BIRC6: variants seen among roughly 807,000 people sequenced by gnomAD.
BIRC6 encodes the protein dual E2 ubiquitin-conjugating enzyme/E3 ubiquitin-protein ligase BIRC6.
BIRC6 carries 98 observed loss-of-function variants against 503.3 expected under a neutral mutation model. The ratio of observed to expected loss-of-function variants is 0.19; its 90% CI spans 0.17 to 0.23. The LOEUF (loss-of-function observed/expected upper bound fraction) is 0.23. Among genes scored for constraint, BIRC6 ranks in the 10% least tolerant of loss-of-function variants. The probability of loss-of-function intolerance (pLI) is 1.00; values close to 1 mark genes in which losing one functional copy is unlikely to be tolerated. For synonymous variants in BIRC6, 2,240 were observed against 2,078.7 expected (o/e 1.08, Z -2.11); for missense variants, 5,360 against 5,806.0 (o/e 0.92, Z 2.50).
At chr2:32,599,382 G>A (rs1047710329) in intron 69 of BIRC6, among the ~76,000 whole-genome samples, 12 of 151,108 alleles carry the variant, frequency 7.9e-5, no homozygotes, top group East Asian at 1.9e-4. Context: ...GCTCAAGCCC[G>A]TAATCCCAGT....
At chr2:32,494,722 C>T (rs914781076) in intron 45 of BIRC6, among the ~76,000 whole-genome samples, 6 of 151,386 alleles carry the variant, frequency 4.0e-5, no homozygotes, top group Admixed American at 2.0e-4. Context: ...GGTCACATGG[C>T]GGGACCCCTT....
At chr2:32,374,622 G>A (rs891543193) in intron 1 of BIRC6, among the ~76,000 whole-genome samples, 3 of 151,748 alleles carry the variant, frequency 2.0e-5, no homozygotes, top group Admixed American at 6.6e-5. Flanking sequence ...ACAGGCGCCC[G>A]CCACCACGCC....
intron 24 of BIRC6, among the ~76,000 whole-genome samples, chr2:32,464,273 C>T (rs887328277): frequency 6.6e-6 from 1 of 152,160 alleles, no homozygotes; most frequent in African/African-American, 2.4e-5. Flanking sequence ...TCCTTTTCAC[C>T]ACTACCTTGA....
rs1161271098 is a variant in BIRC6 at position 32,602,157 on chromosome 2, A to G, written c.13993-849A>G. ...TTGCACTGCTGTTTATTGCAGCACC[A>G]TACAGAATAGCCAAGATACAGAATC... is the stretch of plus-strand genomic sequence containing the variant. On this transcript the variant is annotated intron_variant, in intron 70 of 73. Coordinates refer to ENST00000421745, the MANE Select transcript of BIRC6 (RefSeq NM_016252.4). 2.0e-5 allele frequency among the ~76,000 whole-genome samples: 3 copies of G among 152,220 alleles called. No individual in the cohort carries two copies. The East Asian group carries it at 5.8e-4, about 29-fold the overall frequency.
At chr2:32,589,070 T>C (rs2061242268) in intron 66 of BIRC6, among the ~76,000 whole-genome samples, 2 of 152,314 alleles carry the variant, frequency 1.3e-5, no homozygotes, top group South Asian at 4.1e-4. Context: ...TGCAGACTTT[T>C]TCTGCTGTAC....
At chr2:32,464,336 GT>G (rs2048304596) in intron 24 of BIRC6, among the ~76,000 whole-genome samples, 172 bp from the exon 25 acceptor site, 1 of 152,168 alleles carries the variant, frequency 6.6e-6, no homozygotes, top group Non-Finnish European at 1.5e-5. Context: ...CATTTAAAGT[GT>G]ATATAGCAAA....
At chr2:32,594,502 T>A (rs775405653) in intron 67 of BIRC6, among the ~76,000 whole-genome samples, 4 of 152,142 alleles carry the variant, frequency 2.6e-5, no homozygotes, top group African/African-American at 9.7e-5. Flanking sequence ...CAAGATCAGC[T>A]TGGGCAACAT....
At chr2:32,374,558 C>T (rs951476021) in intron 1 of BIRC6, among the ~76,000 whole-genome samples, 10 of 151,616 alleles carry the variant, frequency 6.6e-5, no homozygotes, top group Non-Finnish European at 7.4e-5. Context: ...CTGCAAGCTC[C>T]GCCTCCCAGG....
At chr2:32,562,951 T>C (rs1411611530) in intron 65 of BIRC6, among the ~76,000 whole-genome samples, 1 of 152,258 alleles carries the variant, frequency 6.6e-6, no homozygotes, top group African/African-American at 2.4e-5. Flanking sequence ...TATTTGTTTA[T>C]TCTTTCGTGA....
At position 32,543,511 on chromosome 2, in the gene BIRC6, G is replaced by A. The variant is rs1337640950; in HGVS notation, c.12562G>A (p.Val4188Ile). 1 of 1,613,880 alleles carries A rather than the reference G, an allele frequency of 6.2e-7. No homozygotes were observed. Among genetic ancestry groups the A allele is most frequent in the African/African-American group, 1.3e-5 (1 of 75,056 alleles). The part of the protein sequence containing the change: ...RKHAQCLLRL[V>I]LGVTDDGEGS... ...ACATGCCCAGTGCCTTCTTCGATTG[G>A]TATTGGGAGTGACAGATGATGGAGA... The change falls in exon 62 of 74, where the codon GTA becomes ATA. Residue 4188 changes from valine (V) to isoleucine (I), a missense_variant. Transcript: ENST00000421745.
intron 61 of BIRC6, among the ~76,000 whole-genome samples, chr2:32,532,435 C>T (rs1226559793): frequency 6.6e-6 from 1 of 152,054 alleles, no homozygotes; most frequent in East Asian, 1.9e-4. Flanking sequence ...ACTTTAATTT[C>T]TGCCTACGTC....
rs748290584 is a variant in BIRC6 at position 32,490,054 on chromosome 2, C to T, written c.8109C>T (p.Ser2703=). Residue 2703 remains serine, a synonymous_variant, in exon 43 of 74, where the codon AGC becomes AGT. Coordinates refer to ENST00000421745, the MANE Select transcript of BIRC6 (RefSeq NM_016252.4). ...VISLNQASIT[S]FLTVLAWYPN... is the part of the protein sequence containing the mutation. The stretch of plus-strand genomic sequence containing the variant: ...TTTTCTGCATAGCATCAATAACTAG[C>T]TTTCTCACAGTGTTAGCTTGGTATC... 6.2e-7 allele frequency: 1 copy of T among 1,610,180 alleles called. No individual in the cohort carries two copies. Among genetic ancestry groups the T allele is most frequent in the Non-Finnish European group, 8.5e-7 (1 of 1,176,656 alleles).
At chr2:32,569,404 C>T (rs960931609) in intron 65 of BIRC6, among the ~76,000 whole-genome samples, 7 of 152,118 alleles carry the variant, frequency 4.6e-5, no homozygotes, top group Admixed American at 3.3e-4. Flanking sequence ...GGTCTTGCTC[C>T]GTCGCCCAGG....
intron 61 of BIRC6, chr2:32,532,251 A>G (rs761021054): frequency 1.9e-6 from 1 of 521,166 alleles, no homozygotes; most frequent in East Asian, 5.6e-5. Flanking sequence ...GGGCTGGCTT[A>G]AAACAACTGA....
rs534740463 is a variant in BIRC6 at position 32,372,228 on chromosome 2, C to T, written c.326-5360C>T. 2.6e-5 allele frequency among the ~76,000 whole-genome samples: 4 copies of T among 152,126 alleles called. No individual in the cohort carries two copies. The South Asian group carries it at 6.2e-4, about 24-fold the overall frequency. On this transcript the variant is annotated intron_variant, in intron 1 of 73. Coordinates refer to ENST00000421745, the MANE Select transcript of BIRC6 (RefSeq NM_016252.4). ...ACATGCATAGATTGATGTAACCCAC[C>T]ATCACAGTCAGGATACAGACCAGTT...
At chr2:32,537,741 C>T (rs917899102) in intron 61 of BIRC6, among the ~76,000 whole-genome samples, 15 of 152,066 alleles carry the variant, frequency 9.9e-5, no homozygotes, top group Admixed American at 6.6e-4. Context: ...CCGAGGCGGG[C>T]GGATCACGAG....
At chr2:32,575,406 A>G (rs1328703112) in intron 66 of BIRC6, 40 bp downstream of exon 66, 13 of 1,582,008 alleles carry the variant, frequency 8.2e-6, no homozygotes, top group Middle Eastern at 3.4e-4. Flanking sequence ...GTTTGCCTCT[A>G]ACAATGTTTT....
At chr2:32,448,627 A>AGAGGGAGACCGTG (rs1256649673) in intron 21 of BIRC6, among the ~76,000 whole-genome samples, 168 bp from the exon 22 acceptor site, 1 of 150,572 alleles carries the variant, frequency 6.6e-6, no homozygotes, top group Non-Finnish European at 1.5e-5. Flanking sequence ...GCTCGGCATC[A>AGAGGGAGACCGTG]GAGGGAGACC....
intron 55 of BIRC6, among the ~76,000 whole-genome samples, chr2:32,517,327 G>A (rs1360647170): frequency 6.6e-6 from 1 of 152,150 alleles, no homozygotes; most frequent in Non-Finnish European, 1.5e-5. Flanking sequence ...GGGCGACAGA[G>A]CGAGACCCTG....
Sources: allele counts gnomAD v4.1 joint callset (sites outside exome capture counted in the v4.1 genomes callset), GRCh38; gene constraint gnomAD v4.1.1; transcripts MANE v1.5; gene names NCBI Gene and HGNC (gene_info 2026-07-23, HGNC 2026-07-21).